Variants in CMIP observed in about 807,000 individuals in gnomAD.
The protein encoded by CMIP is c-Maf inducing protein, also known as C-Maf-inducing protein.
CMIP carries 13 observed loss-of-function variants against 97.3 expected under a neutral mutation model. The observed-to-expected ratio is 0.13, with a 90% CI of 0.09 to 0.21. The LOEUF (loss-of-function observed/expected upper bound fraction) is 0.21, where lower values mean the gene tolerates loss of function less well. Among genes scored for constraint, CMIP ranks in the 10% least tolerant of loss-of-function variants. The pLI is 1.00. For missense variants in CMIP, 847 were observed against 1,024.9 expected, an observed-to-expected ratio of 0.83 and a Z score of 2.37; for synonymous variants, 538 against 436.3, an observed-to-expected ratio of 1.23 and a Z score of -2.91.
intron 1 of CMIP, among the ~76,000 whole-genome samples, chr16:81,532,439 T>G (rs950473162): frequency 5.3e-5 from 8 of 152,202 alleles, no homozygotes; most frequent in Non-Finnish European, 7.3e-5. Flanking sequence ...GCCAATACAT[T>G]GAGCCCAACA....
chr16:81,446,889 A>T (rs1300393963), intron 1 of CMIP, among the ~76,000 whole-genome samples: 1 of 126,012 alleles, frequency 7.9e-6, no homozygotes, highest in African/African-American at 3.0e-5. Flanking sequence ...GAGGACTTTT[A>T]TTCTTAATTT....
chr16:81,643,658 G>C (rs780633504), intron 3 of CMIP, among the ~76,000 whole-genome samples: 1 of 152,136 alleles, frequency 6.6e-6, no homozygotes, highest in Non-Finnish European at 1.5e-5. Flanking sequence ...CGGGTGTGGT[G>C]GTGGGCGCCT....
At chr16:81,545,523 C>T (rs1199116616) in intron 1 of CMIP, among the ~76,000 whole-genome samples, 1 of 152,152 alleles carries the variant, frequency 6.6e-6, no homozygotes, top group Non-Finnish European at 1.5e-5. Context: ...CTATGAATGG[C>T]ATTTAATCCA....
chr16:81,641,406 C>A (rs1244443701), intron 3 of CMIP, among the ~76,000 whole-genome samples: 1 of 152,062 alleles, frequency 6.6e-6, no homozygotes, highest in African/African-American at 2.4e-5. Context: ...GCGAGGAAAA[C>A]AGCTACATAC....
At chr16:81,633,237 C>G (rs753150136) in intron 3 of CMIP, among the ~76,000 whole-genome samples, 5 of 152,246 alleles carry the variant, frequency 3.3e-5, no homozygotes, top group Non-Finnish European at 7.3e-5. Flanking sequence ...CAGTGTGTCT[C>G]TTTCACAGCC....
chr16:81,456,285 T>C (rs181195079), intron 1 of CMIP, among the ~76,000 whole-genome samples: 1 of 152,306 alleles, frequency 6.6e-6, no homozygotes, highest in East Asian at 1.9e-4. Flanking sequence ...CTCAGACCTT[T>C]AGGCGTGTGC....
chr16:81,499,354 C>T (rs1276580358), intron 1 of CMIP, among the ~76,000 whole-genome samples: 1 of 152,226 alleles, frequency 6.6e-6, no homozygotes, highest in Non-Finnish European at 1.5e-5. Flanking sequence ...CTTGCACACC[C>T]ATGTACACAT....
At chr16:81,492,474 C>G (rs1432230027) in intron 1 of CMIP, among the ~76,000 whole-genome samples, 1 of 152,190 alleles carries the variant, frequency 6.6e-6, no homozygotes, top group Non-Finnish European at 1.5e-5. Context: ...AGTGTCCCTT[C>G]TGCCCAGGCT....
At chr16:81,469,176 G>A (rs898408037) in intron 1 of CMIP, among the ~76,000 whole-genome samples, 3 of 152,226 alleles carry the variant, frequency 2.0e-5, no homozygotes, top group East Asian at 1.9e-4. Flanking sequence ...ACCCAAAGGG[G>A]CTGGCAGCCC....
At chr16:81,545,008 C>A (rs1341352243) in intron 1 of CMIP, among the ~76,000 whole-genome samples, 2 of 152,146 alleles carry the variant, frequency 1.3e-5, no homozygotes, top group African/African-American at 4.8e-5. Context: ...AGTTCCTTAC[C>A]AGACACCCTG....
intron 3 of CMIP, among the ~76,000 whole-genome samples, chr16:81,628,443 G>C (rs983611275): frequency 3.3e-5 from 5 of 152,228 alleles, no homozygotes; most frequent in African/African-American, 1.2e-4. Context: ...GCATGTGCCA[G>C]TGCCTCACTT....
intron 1 of CMIP, among the ~76,000 whole-genome samples, chr16:81,548,033 G>A (rs143785637): frequency 3.3e-5 from 5 of 152,106 alleles, no homozygotes; most frequent in African/African-American, 1.2e-4. Context: ...TCATTACAGC[G>A]GCTGGCATTT....
chr16:81,696,524 A>T (rs751316682), intron 13 of CMIP, 36 bp from the exon 14 acceptor site: 2 of 1,586,776 alleles, frequency 1.3e-6, no homozygotes, highest in African/African-American at 2.7e-5. Context: ...CCGGGGCTGC[A>T]TGCAGCTCAC....
At chr16:81,670,619 T>TG (rs2092673695) in intron 8 of CMIP, among the ~76,000 whole-genome samples, 2 of 63,890 alleles carry the variant, frequency 3.1e-5, no homozygotes, top group African/African-American at 9.3e-5. Context: ...TGGGTTTTTT[T>TG]TGGGGGGGGG....
At chr16:81,482,216 C>G (rs990403126) in intron 1 of CMIP, among the ~76,000 whole-genome samples, 1 of 152,138 alleles carries the variant, frequency 6.6e-6, no homozygotes, top group Non-Finnish European at 1.5e-5. Flanking sequence ...TTACACTGGG[C>G]TCACCAGATC....
At position 81,456,285 on chromosome 16, in the gene CMIP, T is replaced by G. The variant is rs181195079; in HGVS notation, c.300+10744T>G. Among the ~76,000 whole-genome samples the G allele has an allele frequency of 2.6e-5, 4 of 152,188 alleles. 1 individual carries two copies. In the South Asian group the frequency reaches 8.3e-4, roughly 31 times the overall value. ...TTTCCTCCAGTCATTCTCAGACCTTTAGGCGTGTGCGCATTTCGTCCTCTC... is the reference window on the plus strand; with the variant it reads ...TTTCCTCCAGTCATTCTCAGACCTTGAGGCGTGTGCGCATTTCGTCCTCTC... On this transcript the variant is annotated intron_variant, in intron 1 of 20. Coordinates refer to ENST00000537098, the MANE Select transcript of CMIP (RefSeq NM_198390.3).
rs965954015 is a variant in CMIP, at chr16:81,709,958, G to T, written c.*159G>T. 7 of 615,568 alleles carry T rather than the reference G, an allele frequency of 1.1e-5. No individual in the cohort carries two copies. In the Admixed American group the frequency reaches 1.9e-4, roughly 17 times the overall value. 38.1% of individuals were successfully genotyped at this position (615,568 alleles called of 1,614,324 possible). ...GCGGAGGGGGGAGGGGGTGGGGAGG[G>T]GGCCCACAAGCACGCCCAGCCCCCG... is the stretch of plus-strand genomic sequence containing the variant. On this transcript the variant is annotated 3_prime_UTR_variant, in exon 21 of 21. Transcript: ENST00000537098.
Position 81,606,593 on chromosome 16 carries a change from C to G in CMIP, c.301-974C>G, listed in dbSNP as rs143096255. The stretch of plus-strand genomic sequence containing the variant: ...ACAATGACCAATACTAATAGCGTTT[C>G]TCATTCTTTTCAACACATGCTATTG... On this transcript the variant is annotated intron_variant, in intron 1 of 20. Transcript: ENST00000537098. Among the ~76,000 whole-genome samples, 59 of 152,312 alleles carry G rather than the reference C, an allele frequency of 3.9e-4. No homozygotes were observed. The East Asian group carries it at 7.9e-3, about 20-fold the overall frequency.
Position 81,528,330 on chromosome 16 carries a change from C to A in CMIP, c.301-79237C>A, listed in dbSNP as rs183058079. On this transcript the variant is annotated intron_variant, in intron 1 of 20. Transcript: ENST00000537098. ...AAGGCTGGCCCTTCCTCCTATGACC[C>A]TGTGGCTCCCCAGTCCACCATTGGT... Among the ~76,000 whole-genome samples, 35 of 152,108 alleles carry A rather than the reference C, an allele frequency of 2.3e-4. No individual in the cohort carries two copies. The East Asian group carries it at 6.2e-3, about 27-fold the overall frequency.
Sources: allele counts gnomAD v4.1 joint callset (sites outside exome capture counted in the v4.1 genomes callset), GRCh38; gene constraint gnomAD v4.1.1; transcripts MANE v1.5; gene names NCBI Gene and HGNC (gene_info 2026-07-23, HGNC 2026-07-21).